Variants in HELLS observed in about 807,000 individuals in gnomAD.
The protein encoded by HELLS is lymphoid-specific helicase.
A neutral mutation model predicts 120.0 loss-of-function variants in HELLS; 32 were observed. The observed-to-expected ratio is 0.27, with a 90% CI of 0.20 to 0.36. HELLS has a LOEUF of 0.36. HELLS is among the 10% of genes least tolerant of loss of function. HELLS has a pLI of 1.00. For missense variants in HELLS, 650 were observed against 993.4 expected, an observed-to-expected ratio of 0.65 and a Z score of 4.65; for synonymous variants, 341 against 323.4, an observed-to-expected ratio of 1.05 and a Z score of -0.58.
chr10:94,587,441 G>A (rs1159075444), intron 12 of HELLS, among the ~76,000 whole-genome samples: 1 of 152,046 alleles, frequency 6.6e-6, no homozygotes, highest in Non-Finnish European at 1.5e-5. Context: ...GTGTGTGTGT[G>A]TGTGGAGACA....
chr10:94,595,916 A>G (rs1564617771), intron 19 of HELLS, among the ~76,000 whole-genome samples: 1 of 152,152 alleles, frequency 6.6e-6, no homozygotes, highest in Non-Finnish European at 1.5e-5. Flanking sequence ...TTGAGGTAAG[A>G]GTGTATTAAG....
Position 94,593,522 on chromosome 10 carries a change from A to T in HELLS, c.1995A>T (p.Pro665=). Residue 665 remains proline, a synonymous_variant, in exon 18 of 22, where the codon CCA becomes CCT. Coordinates refer to ENST00000348459, the MANE Select transcript of HELLS (RefSeq NM_018063.5). ...EKNMHSFNTD[P]EVFIFLVSTR... ...AGATGCACAGCTTCAACACGGATCC[A>T]GAGGTGTTTATCTTCTTAGTGAGTA... 6.2e-7 allele frequency: 1 copy of T among 1,612,840 alleles called. No individual in the cohort carries two copies. Among genetic ancestry groups the T allele is most frequent in the African/African-American group, 1.3e-5 (1 of 75,030 alleles).
chr10:94,568,056 C>T (rs1007337714), intron 6 of HELLS, among the ~76,000 whole-genome samples: 8 of 151,924 alleles, frequency 5.3e-5, no homozygotes, highest in South Asian at 2.1e-4. Flanking sequence ...ACTACAGGCA[C>T]ACGTCACCAC....
chr10:94,553,197 A>G (rs1042349891), intron 2 of HELLS, among the ~76,000 whole-genome samples: 2 of 152,188 alleles, frequency 1.3e-5, no homozygotes, highest in African/African-American at 4.8e-5. Context: ...GTACATAACA[A>G]GGTAATATAA....
chr10:94,586,645 AT>A, intron 12 of HELLS, among the ~76,000 whole-genome samples: 1 of 152,230 alleles, frequency 6.6e-6, no homozygotes, highest in East Asian at 1.9e-4. Context: ...TCAGTATTTA[AT>A]GGCAGGGGTA....
At chr10:94,578,011 C>A (rs996196502) in intron 10 of HELLS, among the ~76,000 whole-genome samples, 3 of 145,334 alleles carry the variant, frequency 2.1e-5, no homozygotes, top group Non-Finnish European at 4.5e-5. Flanking sequence ...TGCAGTGAGC[C>A]GAGATTGCGC....
rs1842809784 is a variant in HELLS at position 94,547,847 on chromosome 10, T to A, written c.153+1349T>A. On this transcript the variant is annotated intron_variant, in intron 2 of 21. Transcript: ENST00000348459. ...TGCACATTTTTTAACTACCATGCTATAGTTCCACTCCAGTAATACTCCTTC... is the reference window on the plus strand; with the variant it reads ...TGCACATTTTTTAACTACCATGCTAAAGTTCCACTCCAGTAATACTCCTTC... Among the ~76,000 whole-genome samples, 3 of 152,198 alleles carry A rather than the reference T, an allele frequency of 2.0e-5. No individual in the cohort carries two copies. The South Asian group carries it at 6.2e-4, about 32-fold the overall frequency.
chr10:94,566,872 C>T (rs1030822249), intron 6 of HELLS, among the ~76,000 whole-genome samples: 9 of 152,086 alleles, frequency 5.9e-5, no homozygotes, highest in Non-Finnish European at 1.2e-4. Flanking sequence ...CCAGGCTGGT[C>T]TCAAACTCCT....
chr10:94,571,455 A>G (rs1466778377), intron 7 of HELLS, 26 bp downstream of exon 7: 15 of 1,466,504 alleles, frequency 1.0e-5, no homozygotes, highest in East Asian at 2.3e-5. Flanking sequence ...TGTAAGATTA[A>G]GTTTAGAAGT....
Position 94,601,731 on chromosome 10 carries a change from G to A in HELLS, c.*109G>A, listed in dbSNP as rs1846041446. 3.4e-6 allele frequency: 2 copies of A among 596,732 alleles called. No homozygotes were observed. Among genetic ancestry groups the A allele is most frequent in the South Asian group, 4.2e-5 (2 of 47,686 alleles). The allele number at this position is 596,732 out of a possible 1,614,324, so 37.0% of individuals were successfully genotyped here. A position where few individuals can be genotyped will look rare whatever the true frequency, so the allele number is the denominator to read the frequency against. On this transcript the variant is annotated 3_prime_UTR_variant, in exon 22 of 22. Coordinates refer to ENST00000348459, the MANE Select transcript of HELLS (RefSeq NM_018063.5). ...CTTCACCTTTTTTATTATATCAGTT[G>A]ACATGTAACTAGTACCATGCGTACT...
chr10:94,600,447 TAATA>T (rs567290580), intron 21 of HELLS, among the ~76,000 whole-genome samples: 135 of 152,254 alleles, frequency 8.9e-4, no homozygotes, highest in African/African-American at 2.6e-3. Flanking sequence ...TTAAAAGTCA[TAATA>T]ATCAAGATGG....
chr10:94,575,098 A>ATTT lies in HELLS; in HGVS notation c.888+383_888+385dup, dbSNP rs570447113. Among the ~76,000 whole-genome samples the ATTT allele has an allele frequency of 6.1e-3, 739 of 121,760 alleles. 17 individuals carry two copies. The highest frequency in any genetic ancestry group is 0.022 in the African/African-American group (706 of 32,228). The allele number at this position is 121,760 out of a possible 152,430, so 79.9% of individuals were successfully genotyped here. Reference sequence around the variant, plus strand: ...TTTTCTGTACTTGTTACCTTCTGCAATTTTTTTTTTTTTTTTTTTTTTTGA... The same window carrying ATTT: ...TTTTCTGTACTTGTTACCTTCTGCAATTTTTTTTTTTTTTTTTTTTTTTTTTGA... On this transcript the variant is annotated intron_variant, in intron 9 of 21. Coordinates refer to ENST00000348459, the MANE Select transcript of HELLS (RefSeq NM_018063.5).
intron 12 of HELLS, among the ~76,000 whole-genome samples, chr10:94,587,334 G>A (rs1447508454): frequency 6.6e-6 from 1 of 152,142 alleles, no homozygotes; most frequent in South Asian, 2.1e-4. Context: ...ATACAGAAAT[G>A]CAATGCATAA....
intron 21 of HELLS, among the ~76,000 whole-genome samples, chr10:94,601,253 TAA>T (rs2134138279): frequency 6.6e-6 from 1 of 152,308 alleles, no homozygotes; most frequent in African/African-American, 2.4e-5. Context: ...TATCTTACCT[TAA>T]ATTCAGCAAA....
chr10:94,570,037 T>TA (rs1367708801), intron 6 of HELLS: 2 of 151,734 alleles, frequency 1.3e-5, no homozygotes, highest in African/African-American at 2.4e-5. Flanking sequence ...TTTTATTTTT[T>TA]TTTTTATTTT....
chr10:94,590,385 GA>G, intron 13 of HELLS, 27 bp from the exon 14 acceptor site: 2 of 1,579,520 alleles, frequency 1.3e-6, no homozygotes, highest in South Asian at 2.3e-5. Context: ...TTTATAAACT[GA>G]ATTTCTTTTA....
downstream of HELLS, among the ~76,000 whole-genome samples, chr10:94,605,641 T>A (rs1846120209): frequency 6.7e-6 from 1 of 149,796 alleles, no homozygotes; most frequent in Admixed American, 6.6e-5. Flanking sequence ...AATTAATGGT[T>A]CCTTTTTTTT....
chr10:94,581,484 A>T lies in HELLS; in HGVS notation c.1191A>T (p.Leu397=), dbSNP rs1290891556. The T allele has an allele frequency of 6.2e-7, 1 of 1,610,246 alleles. No individual in the cohort carries two copies. ...QNNLSELWSL[L]NFLLPDVFDD... ...ATTTATCAGAACTTTGGTCATTGCT[A>T]AACTTTTTGTTGCCAGATGTATTTG... The change falls in exon 11 of 22, where the codon CTA becomes CTT. Residue 397 remains leucine (L), a synonymous_variant. Coordinates refer to ENST00000348459, the MANE Select transcript of HELLS (RefSeq NM_018063.5).
At chr10:94,607,951 C>T (rs542353022) in exon 9 of HELLS, 62 of 426,710 alleles carry the variant, frequency 1.5e-4, no homozygotes, top group African/African-American at 1.1e-3. Flanking sequence ...TGGTCCCGAA[C>T]TGATCTCAGG....
Sources: allele counts gnomAD v4.1 joint callset (sites outside exome capture counted in the v4.1 genomes callset), GRCh38; gene constraint gnomAD v4.1.1; transcripts MANE v1.5; gene names NCBI Gene and HGNC (gene_info 2026-07-23, HGNC 2026-07-21).